Variants in CEP295 observed in about 807,000 individuals in gnomAD.
CEP295 encodes the protein centrosomal protein of 295 kDa.
Under a neutral mutation model 291.6 loss-of-function variants are expected in CEP295, and 190 were observed. The observed-to-expected ratio is 0.65, with a 90% CI of 0.58 to 0.73. The LOEUF is 0.73. CEP295 is among the 30% of genes least tolerant of loss of function. The pLI is 0.00. For missense variants in CEP295, 2,863 were observed against 2,949.4 expected (o/e 0.97, Z 0.68); for synonymous variants, 993 against 1,038.8 (o/e 0.96, Z 0.85).
chr11:93,683,151 G>C (rs879624432), intron 7 of CEP295, among the ~76,000 whole-genome samples: 8 of 152,164 alleles, frequency 5.3e-5, no homozygotes, highest in African/African-American at 7.2e-5. Context: ...ACCTGAGATA[G>C]GTATATGGAG....
At chr11:93,693,965 G>A (rs1951726119) in intron 12 of CEP295, among the ~76,000 whole-genome samples, 1 of 152,114 alleles carries the variant, frequency 6.6e-6, no homozygotes, top group African/African-American at 2.4e-5. Flanking sequence ...GTCACATAAA[G>A]CTAGTAACCA....
intron 7 of CEP295, among the ~76,000 whole-genome samples, chr11:93,681,161 T>C (rs963986478): frequency 1.3e-5 from 2 of 152,124 alleles, no homozygotes; most frequent in African/African-American, 2.4e-5. Flanking sequence ...TGCCAGGATT[T>C]ATCTGTCTTC....
Position 93,729,917 on chromosome 11 carries a change from T to C in CEP295, c.7615T>C (p.Phe2539Leu), listed in dbSNP as rs1363750177. Reference sequence around the variant, plus strand: ...GGGCGTGAATAAAGTCAGAGCATCTTTTCCTGAAGACAGAAAGACTACACA... The same window carrying C: ...GGGCGTGAATAAAGTCAGAGCATCTCTTCCTGAAGACAGAAAGACTACACA... ...LKGVNKVRAS[F>L]PEDRKTTQAL... Residue 2539 changes from phenylalanine to leucine, a missense_variant, in exon 28 of 30, where the codon TTT becomes CTT. By Grantham distance (22) the Phe-to-Leu change is conservative. This residue lies in a region of CEP295 where 2,295 missense variants were observed against 2,335.7 expected (regional missense o/e 0.98). Transcript: ENST00000325212. 1 of 1,549,944 alleles carries C rather than the reference T, an allele frequency of 6.5e-7. No homozygotes were observed. The highest frequency in any genetic ancestry group is 1.4e-5 in the African/African-American group (1 of 72,842).
chr11:93,710,102 A>G (rs909810942), intron 18 of CEP295, among the ~76,000 whole-genome samples: 1 of 152,156 alleles, frequency 6.6e-6, no homozygotes, highest in Non-Finnish European at 1.5e-5. Context: ...TTCCTTTCCA[A>G]CTTGGATGCT....
chr11:93,687,868 A>G lies in CEP295; in HGVS notation c.1336+3A>G. On this transcript the variant is annotated splice_donor_region_variant and intron_variant, in intron 10 of 29. Transcript: ENST00000325212. ...GTTATCCTCTGGGCAGGAACAAGGT[A>G]TTTCTCTCCAAGAGTCTCATTTTCT... 1 of 1,540,328 alleles carries G rather than the reference A, an allele frequency of 6.5e-7. No homozygotes were observed. The highest frequency in any genetic ancestry group is 8.8e-7 in the Non-Finnish European group (1 of 1,140,818).
At position 93,679,484 on chromosome 11, in the gene CEP295, A is replaced by G. The variant is rs1950857928; in HGVS notation, c.697A>G (p.Arg233Gly). 2.6e-6 allele frequency: 4 copies of G among 1,551,644 alleles called. No homozygotes were observed. The highest frequency in any genetic ancestry group is 1.4e-5 in the African/African-American group (1 of 73,150). The change falls in exon 7 of 30, where the codon AGA becomes GGA. Residue 233 changes from arginine (R) to glycine (G), a missense_variant. By Grantham distance (125) the Arg-to-Gly change is moderately radical. Around this residue, in one of 3 missense-constraint regions of CEP295, gnomAD observed 554 missense variants for 576.0 expected, o/e 0.96. Transcript: ENST00000325212. The part of the protein sequence containing the change: ...EELQKQAAQE[R>G]MERFEKAHVR... The stretch of plus-strand genomic sequence containing the variant: ...ACTACAAAAACAGGCAGCACAAGAG[A>G]GAATGGAACGGTTTGAAAAGGCACA...
intron 7 of CEP295, 71 bp downstream of exon 7, chr11:93,679,623 A>G: frequency 1.5e-6 from 2 of 1,290,618 alleles, no homozygotes; most frequent in Non-Finnish European, 2.1e-6. Context: ...TGATTAGTGA[A>G]TGAGCTCAAA....
At chr11:93,694,423 G>A (rs548087989) in intron 12 of CEP295, among the ~76,000 whole-genome samples, 5 of 152,146 alleles carry the variant, frequency 3.3e-5, no homozygotes, top group South Asian at 4.2e-4. Context: ...TTTTACCATA[G>A]ATCTTAGCAA....
intron 15 of CEP295, among the ~76,000 whole-genome samples, chr11:93,701,764 C>T (rs1051990151): frequency 4.0e-5 from 6 of 151,760 alleles, no homozygotes; most frequent in African/African-American, 1.2e-4. Context: ...CCACCATGCC[C>T]AGCTAACTTT....
intron 1 of CEP295, among the ~76,000 whole-genome samples, chr11:93,662,304 A>T (rs934097452): frequency 2.0e-5 from 3 of 152,246 alleles, no homozygotes; most frequent in Non-Finnish European, 4.4e-5. Context: ...GCTAAGTCAC[A>T]TAGACGTCAG....
chr11:93,697,891 C>T lies in CEP295; in HGVS notation c.2979C>T (p.Pro993=). ...DRRVCSEQAE[P]SFPFQVAQHT... is the part of the protein sequence containing the mutation. Reference sequence around the variant, plus strand: ...GAGTATGTTCCGAACAGGCTGAGCCCTCTTTCCCATTTCAGGTAGCTCAGC... The same window carrying T: ...GAGTATGTTCCGAACAGGCTGAGCCTTCTTTCCCATTTCAGGTAGCTCAGC... The change falls in exon 15 of 30, where the codon CCC becomes CCT. Residue 993 remains proline (P), a synonymous_variant. Coordinates refer to ENST00000325212, the MANE Select transcript of CEP295 (RefSeq NM_033395.2). 5.8e-6 allele frequency: 9 copies of T among 1,551,692 alleles called. No homozygotes were observed. Among genetic ancestry groups the T allele is most frequent in the Non-Finnish European group, 7.8e-6 (9 of 1,146,986 alleles).
In CEP295 at chr11:93,668,813, T is replaced by C. The variant is rs1394302661; in HGVS notation, c.315T>C (p.Pro105=). ...TAAGTAATATATATTTTTAGGAACC[T>C]GATTTGGATGCTTTGGCACAGCGGG... is the stretch of plus-strand genomic sequence containing the variant. The part of the protein sequence containing the change: ...EGHRQAKENE[P]DLDALAQRAA... The change falls in exon 4 of 30, where the codon CCT becomes CCC. Residue 105 remains proline, a synonymous_variant. Transcript: ENST00000325212. 3.3e-6 allele frequency: 5 copies of C among 1,515,284 alleles called. No homozygotes were observed. Among genetic ancestry groups the C allele is most frequent in the Non-Finnish European group, 4.4e-6 (5 of 1,133,338 alleles). 93.9% of individuals were successfully genotyped at this position (1,515,284 alleles called of 1,614,324 possible).
Position 93,699,451 on chromosome 11 carries a change from T to C in CEP295, c.4539T>C (p.Asp1513=). The C allele has an allele frequency of 1.3e-6, 2 of 1,551,742 alleles. No individual in the cohort carries two copies. The highest frequency in any genetic ancestry group is 1.7e-6 in the Non-Finnish European group (2 of 1,147,000). ...GDLQALQQQL[D]TQKKAIRSIQ... Reference sequence around the variant, plus strand: ...TGCAGGCACTTCAACAGCAGTTAGATACACAGAAGAAAGCCATTCGATCTA... The same window carrying C: ...TGCAGGCACTTCAACAGCAGTTAGACACACAGAAGAAAGCCATTCGATCTA... The change falls in exon 15 of 30, where the codon GAT becomes GAC. Residue 1513 remains aspartate (D), a synonymous_variant. Transcript: ENST00000325212.
intron 18 of CEP295, among the ~76,000 whole-genome samples, chr11:93,709,851 A>G (rs111612184): frequency 4.6e-5 from 7 of 152,050 alleles, no homozygotes; most frequent in African/African-American, 1.4e-4. Flanking sequence ...TCATTGTAGA[A>G]ATCTTTCACT....
At position 93,675,619 on chromosome 11, in the gene CEP295, T is replaced by C. The variant is rs1299601376; in HGVS notation, c.577T>C (p.Tyr193His). The change falls in exon 6 of 30, where the codon TAC becomes CAC. Residue 193 changes from tyrosine to histidine, a missense_variant. Transcript: ENST00000325212. The stretch of plus-strand genomic sequence containing the variant: ...TGCAGTCAAAACCAATAGTTCTACC[T>C]ACCATCATCTTCACACTTTTGTGAA... Reference protein sequence around the residue: ...ISAVKTNSSTYHHLHTFVNRE... With the variant: ...ISAVKTNSSTHHHLHTFVNRE... 6.6e-7 allele frequency: 1 copy of C among 1,513,062 alleles called. No individual in the cohort carries two copies. Among genetic ancestry groups the C allele is most frequent in the Non-Finnish European group, 8.8e-7 (1 of 1,133,438 alleles). The allele number at this position is 1,513,062 out of a possible 1,614,324, so 93.7% of individuals were successfully genotyped here. A position where few individuals can be genotyped will look rare whatever the true frequency, so the allele number is the denominator to read the frequency against.
Position 93,697,433 on chromosome 11 carries a change from A to G in CEP295, c.2521A>G (p.Thr841Ala). The change falls in exon 15 of 30, where the codon ACA becomes GCA. Residue 841 changes from threonine to alanine, a missense_variant. By Grantham distance (58) the Thr-to-Ala change is moderately conservative. Around this residue, in one of 3 missense-constraint regions of CEP295, gnomAD observed 2,295 missense variants for 2,335.7 expected, o/e 0.98. Coordinates refer to ENST00000325212, the MANE Select transcript of CEP295 (RefSeq NM_033395.2). ...GCCTTTGCTGCCGTCAGAGAATATC[A>G]CAGCCCAGCAAGGTAATATGAAGGC... ...DRPLLPSENI[T>A]AQQGNMKALQ... is the part of the protein sequence containing the mutation. 1.9e-6 allele frequency: 3 copies of G among 1,552,254 alleles called. No individual in the cohort carries two copies. Among genetic ancestry groups the G allele is most frequent in the Non-Finnish European group, 1.7e-6 (2 of 1,147,104 alleles).
Position 93,666,750 on chromosome 11 carries a change from C to T in CEP295, c.43C>T (p.Pro15Ser), listed in dbSNP as rs537026261. 1.0e-5 allele frequency: 16 copies of T among 1,547,814 alleles called. 1 individual carries two copies. The South Asian group carries it at 1.3e-4, about 13-fold the overall frequency. ...VVNTHKLRLS[P>S]NEEAFILKED... ...GAATACTCACAAGCTGAGATTGAGTCCTAATGAGGAAGCCTTCATTTTGAA... is the reference window on the plus strand; with the variant it reads ...GAATACTCACAAGCTGAGATTGAGTTCTAATGAGGAAGCCTTCATTTTGAA... Residue 15 changes from proline to serine, a missense_variant, in exon 2 of 30, where the codon CCT (proline) becomes TCT (serine). Transcript: ENST00000325212.
intron 7 of CEP295, among the ~76,000 whole-genome samples, chr11:93,681,657 G>T (rs1434857979): frequency 1.3e-5 from 2 of 150,712 alleles, no homozygotes; most frequent in Non-Finnish European, 3.0e-5. Flanking sequence ...CTCATGATCC[G>T]CCTGCCTCAG....
At position 93,683,567 on chromosome 11, in the gene CEP295, G is replaced by A; in HGVS notation, c.774G>A (p.Glu258=). 6.0e-6 allele frequency: 9 copies of A among 1,504,930 alleles called. No homozygotes were observed. The highest frequency in any genetic ancestry group is 1.3e-5 in the South Asian group (1 of 75,676). 93.2% of individuals were successfully genotyped at this position (1,504,930 alleles called of 1,614,324 possible). The change falls in exon 8 of 30, where the codon GAG becomes GAA. Residue 258 remains glutamate (E), a synonymous_variant. Coordinates refer to ENST00000325212, the MANE Select transcript of CEP295 (RefSeq NM_033395.2). ...TCTCTTTATTCTTGAAGAATCAGGAGAAACTAATGAAAGAACTCAAACAGC... is the reference window on the plus strand; with the variant it reads ...TCTCTTTATTCTTGAAGAATCAGGAAAAACTAATGAAAGAACTCAAACAGC... The part of the protein sequence containing the change: ...MKKIHLAQNQ[E]KLMKELKQLQ...
Sources: allele counts gnomAD v4.1 joint callset (sites outside exome capture counted in the v4.1 genomes callset), GRCh38; gene constraint gnomAD v4.1.1; regional missense constraint gnomAD v4.1.1; transcripts MANE v1.5; gene names NCBI Gene and HGNC (gene_info 2026-07-23, HGNC 2026-07-21).